Variants in CADM2 observed in about 807,000 individuals in gnomAD.
CADM2 encodes the protein immunoglobulin superfamily member 4D.
A neutral mutation model predicts 49.8 loss-of-function variants in CADM2; 12 were observed. That is an observed-to-expected ratio of 0.24 (90% confidence interval 0.15 to 0.39). The LOEUF is 0.39. Ranked by LOEUF, CADM2 falls within the 10% of genes least tolerant of loss-of-function variation. CADM2 has a pLI of 1.00. For synonymous variants in CADM2, 214 were observed against 175.4 expected (o/e 1.22, Z -1.74); for missense variants, 378 against 492.3 (o/e 0.77, Z 2.20).
intron 1 of CADM2, among the ~76,000 whole-genome samples, chr3:85,459,302 C>G (rs888630127): frequency 4.6e-5 from 7 of 152,168 alleles, no homozygotes; most frequent in Non-Finnish European, 2.9e-5. Context: ...TCACATTTCT[C>G]TCTCCTTTTG....
At chr3:85,878,141 A>T (rs1047818869) in intron 3 of CADM2, among the ~76,000 whole-genome samples, 1 of 152,110 alleles carries the variant, frequency 6.6e-6, no homozygotes, top group Non-Finnish European at 1.5e-5. Flanking sequence ...GAAAATGTAC[A>T]CAATAAATAA....
At chr3:84,982,895 G>A (rs1220508162) in intron 1 of CADM2, among the ~76,000 whole-genome samples, 7 of 150,236 alleles carry the variant, frequency 4.7e-5, no homozygotes, top group Admixed American at 1.3e-4. Context: ...ACAGGCGTCC[G>A]CCACCATGCC....
At chr3:85,807,218 G>T (rs1422057051) in intron 3 of CADM2, among the ~76,000 whole-genome samples, 1 of 152,138 alleles carries the variant, frequency 6.6e-6, no homozygotes, top group East Asian at 1.9e-4. Flanking sequence ...AGACAGAAGG[G>T]CCAGGCATGG....
chr3:85,576,971 A>T (rs1346660424), intron 1 of CADM2, among the ~76,000 whole-genome samples: 1 of 152,096 alleles, frequency 6.6e-6, no homozygotes, highest in African/African-American at 2.4e-5. Flanking sequence ...ACAAGATCTT[A>T]TTGTTGGCTG....
chr3:85,276,290 A>G (rs2043355803), intron 1 of CADM2, among the ~76,000 whole-genome samples: 1 of 151,294 alleles, frequency 6.6e-6, no homozygotes, highest in African/African-American at 2.4e-5. Flanking sequence ...AGTGCTTAAT[A>G]ATAGTATCTG....
intron 1 of CADM2, among the ~76,000 whole-genome samples, chr3:85,460,148 T>C (rs1004233775): frequency 6.6e-6 from 1 of 152,132 alleles, no homozygotes; most frequent in South Asian, 2.1e-4. Flanking sequence ...TTAGTGTTTG[T>C]ATGTTTTTAA....
At chr3:86,027,757 T>C (rs1734070571) in intron 8 of CADM2, 1 of 152,064 alleles carries the variant, frequency 6.6e-6, no homozygotes, top group East Asian at 1.9e-4. Flanking sequence ...TCAATAACTT[T>C]TCAATTTTAA....
chr3:85,153,375 G>A (rs552075436), intron 1 of CADM2, among the ~76,000 whole-genome samples: 2 of 152,322 alleles, frequency 1.3e-5, no homozygotes, highest in East Asian at 1.9e-4. Context: ...GCACTTTTCT[G>A]ATGGTCTTAA....
chr3:85,916,175 T>A (rs190870129), intron 6 of CADM2, among the ~76,000 whole-genome samples: 586 of 152,274 alleles, frequency 3.8e-3, no homozygotes, highest in Non-Finnish European at 7.0e-3. Flanking sequence ...AGAGTTCTCT[T>A]TTTTTATTAT....
At chr3:85,370,823 T>A (rs2033174187) in intron 1 of CADM2, among the ~76,000 whole-genome samples, 1 of 152,076 alleles carries the variant, frequency 6.6e-6, no homozygotes, top group Non-Finnish European at 1.5e-5. Context: ...CCTGAAGACT[T>A]TCCACTGGGA....
intron 1 of CADM2, among the ~76,000 whole-genome samples, chr3:85,184,617 G>A (rs993577819): frequency 3.9e-5 from 6 of 151,990 alleles, no homozygotes; most frequent in African/African-American, 1.2e-4. Flanking sequence ...TGTCGATAAG[G>A]AATGTAGGGT....
At chr3:85,385,033 T>C (rs1289632522) in intron 1 of CADM2, among the ~76,000 whole-genome samples, 1 of 152,134 alleles carries the variant, frequency 6.6e-6, no homozygotes, top group Admixed American at 6.6e-5. Flanking sequence ...CCTCCAAGGC[T>C]GAAGTGATTC....
At chr3:85,120,677 G>C (rs1364961618) in intron 1 of CADM2, among the ~76,000 whole-genome samples, 1 of 151,998 alleles carries the variant, frequency 6.6e-6, no homozygotes, top group Admixed American at 6.6e-5. Context: ...GGGCCTCCTG[G>C]GGGGTAGGGG....
At chr3:85,429,605 C>T (rs2036574399) in intron 1 of CADM2, among the ~76,000 whole-genome samples, 1 of 151,982 alleles carries the variant, frequency 6.6e-6, no homozygotes, top group Non-Finnish European at 1.5e-5. Flanking sequence ...TTATTTGCTT[C>T]ATATTAGTTA....
chr3:85,237,918 A>G (rs573913844), intron 1 of CADM2, among the ~76,000 whole-genome samples: 2 of 151,854 alleles, frequency 1.3e-5, no homozygotes, highest in East Asian at 3.9e-4. Context: ...TTATTTGATC[A>G]TATATTTTTT....
chr3:85,518,405 G>A (rs555340571), intron 1 of CADM2, among the ~76,000 whole-genome samples: 7 of 146,558 alleles, frequency 4.8e-5, no homozygotes, highest in African/African-American at 1.5e-4. Context: ...CCAACATTTC[G>A]TTTAAAACAA....
intron 1 of CADM2, among the ~76,000 whole-genome samples, chr3:85,000,114 TTCTCTC>T (rs59094520): frequency 0.011 from 1,481 of 136,890 alleles, 12 homozygotes; most frequent in Non-Finnish European, 0.016. Flanking sequence ...TGCTTCTACT[TTCTCTC>T]TCTCTCTCTC....
chr3:86,020,844 A>C (rs908571437), intron 8 of CADM2, among the ~76,000 whole-genome samples: 1 of 152,236 alleles, frequency 6.6e-6, no homozygotes, highest in South Asian at 2.1e-4. Context: ...ATTTCAAAAT[A>C]ATAAGAGCTA....
intron 1 of CADM2, among the ~76,000 whole-genome samples, chr3:85,623,412 A>G (rs2064032892): frequency 6.6e-6 from 1 of 152,140 alleles, no homozygotes; most frequent in Non-Finnish European, 1.5e-5. Context: ...TTATTTAATA[A>G]AAGGTGTCAT....
Sources: gnomAD v4.1 joint callset for allele counts (sites outside exome capture counted in the v4.1 genomes callset) on GRCh38, gnomAD v4.1.1 for gene constraint, MANE v1.5 for transcripts, NCBI Gene and HGNC (gene_info 2026-07-23, HGNC 2026-07-21) for gene names.